DLGAP2: variants seen among roughly 807,000 people sequenced by gnomAD.
DLGAP2 encodes the protein DLG associated protein 2.
DLGAP2 carries 26 observed loss-of-function variants against 100.3 expected under a neutral mutation model. That is an observed-to-expected ratio of 0.26 (90% CI 0.19 to 0.36). DLGAP2 has a LOEUF of 0.36. Ranked by LOEUF, DLGAP2 falls within the 10% of genes least tolerant of loss-of-function variation. DLGAP2 has a pLI of 1.00. For missense variants in DLGAP2, 1,858 were observed against 1,453.2 expected (o/e 1.28, Z -4.53); for synonymous variants, 886 against 630.1 (o/e 1.41, Z -6.08).
chr8:813,263 AC>A (rs1032500036), intron 1 of DLGAP2, among the ~76,000 whole-genome samples: 2 of 151,854 alleles, frequency 1.3e-5, no homozygotes, highest in Non-Finnish European at 2.9e-5. Flanking sequence ...CCTTTTCAAA[AC>A]GAAAAAAAAA....
At chr8:1,635,212 A>G (rs1320370203) in intron 8 of DLGAP2, among the ~76,000 whole-genome samples, 2 of 152,218 alleles carry the variant, frequency 1.3e-5, no homozygotes, top group African/African-American at 4.8e-5. Context: ...ATGACATGCA[A>G]TATAGTCTAT....
chr8:1,573,002 T>A (rs111216022), intron 6 of DLGAP2, among the ~76,000 whole-genome samples: 10,488 of 75,460 alleles, frequency 0.14, 689 homozygotes, highest in East Asian at 0.4. Context: ...GGGCGTCTTC[T>A]GGGATGGAGA....
At chr8:881,108 T>G (rs1467215851) in intron 1 of DLGAP2, among the ~76,000 whole-genome samples, 1 of 152,250 alleles carries the variant, frequency 6.6e-6, no homozygotes, top group Non-Finnish European at 1.5e-5. Flanking sequence ...AAAAATGACT[T>G]AGAGCAATAC....
intron 2 of DLGAP2, among the ~76,000 whole-genome samples, chr8:1,255,009 G>A (rs1169261795): frequency 1.9e-5 from 2 of 103,654 alleles, no homozygotes; most frequent in Admixed American, 9.8e-5. Context: ...CATCCTGCTT[G>A]GGCGCTGTGT....
At chr8:1,124,274 G>T (rs1382348994) in intron 2 of DLGAP2, among the ~76,000 whole-genome samples, 2 of 152,232 alleles carry the variant, frequency 1.3e-5, no homozygotes, top group Non-Finnish European at 2.9e-5. Context: ...TCGCCAAAGA[G>T]AAGAGCCTGG....
At chr8:1,130,090 A>G (rs796381539) in intron 2 of DLGAP2, among the ~76,000 whole-genome samples, 5 of 1,846 alleles carry the variant, frequency 2.7e-3, no homozygotes, top group East Asian at 5.2e-3. Flanking sequence ...GGATCGTGTC[A>G]GACACTTCAC....
chr8:943,425 G>A (rs180835744), intron 2 of DLGAP2, among the ~76,000 whole-genome samples: 2 of 152,388 alleles, frequency 1.3e-5, no homozygotes, highest in Admixed American at 6.5e-5. Context: ...CGGCACCCGC[G>A]TGTCTGGTGG....
intron 2 of DLGAP2, among the ~76,000 whole-genome samples, chr8:1,198,717 C>T (rs977853601): frequency 6.6e-6 from 1 of 152,156 alleles, no homozygotes; most frequent in Admixed American, 6.5e-5. Flanking sequence ...TGAAGAGACA[C>T]GTGTGCCTGG....
intron 6 of DLGAP2, among the ~76,000 whole-genome samples, chr8:1,588,180 C>T (rs116837767): frequency 1.6e-4 from 25 of 152,302 alleles, no homozygotes; most frequent in African/African-American, 6.0e-4. Flanking sequence ...ACGGATAGTT[C>T]AGCTAAATAC....
intron 3 of DLGAP2, among the ~76,000 whole-genome samples, chr8:1,452,606 G>A (rs1304708784): frequency 3.3e-5 from 5 of 152,206 alleles, no homozygotes; most frequent in African/African-American, 7.2e-5. Flanking sequence ...ACACAGGGAA[G>A]AGGAGATGGA....
intron 3 of DLGAP2, among the ~76,000 whole-genome samples, chr8:1,444,915 G>T (rs533000165): frequency 3.3e-4 from 49 of 150,652 alleles, no homozygotes; most frequent in African/African-American, 1.2e-3. Context: ...TGGGATTATA[G>T]GCGTGTGCCC....
chr8:1,198,699 T>G (rs899089685), intron 2 of DLGAP2, among the ~76,000 whole-genome samples: 1 of 152,124 alleles, frequency 6.6e-6, no homozygotes, highest in African/African-American at 2.4e-5. Context: ...GGCAGGCCCC[T>G]CATGTCCTGA....
intron 4 of DLGAP2, among the ~76,000 whole-genome samples, chr8:1,545,097 T>G (rs771251992): frequency 1.6e-4 from 24 of 152,170 alleles, no homozygotes; most frequent in Non-Finnish European, 3.2e-4. Context: ...TTTCTTGTCT[T>G]TATCTGGCTT....
chr8:1,662,933 G>A (rs539685098), intron 8 of DLGAP2, among the ~76,000 whole-genome samples: 73 of 149,142 alleles, frequency 4.9e-4, no homozygotes, highest in African/African-American at 1.8e-3. Context: ...TACACGTAGT[G>A]TGGGGTGTGT....
At position 1,164,116 on chromosome 8, in the gene DLGAP2, G is replaced by GC. The variant is rs1554494586; in HGVS notation, c.74-94734dup. 1.7e-4 allele frequency among the ~76,000 whole-genome samples: 4 copies of GC among 23,966 alleles called. 2 individuals are homozygous for GC. The highest frequency in any genetic ancestry group is 3.6e-4 in the Non-Finnish European group (4 of 11,112). 15.7% of individuals were successfully genotyped at this position (23,966 alleles called of 152,430 possible). A position where few individuals can be genotyped will look rare whatever the true frequency, so the allele number is the denominator to read the frequency against. ...TGGGGACAGATTTTTCTGTGAGCCC[G>GC]CAGGGCCCGTCATTTTGGTTTGTGG... On this transcript the variant is annotated intron_variant, in intron 2 of 14. Transcript: ENST00000637795.
At chr8:1,304,629 A>G (rs939410000) in intron 3 of DLGAP2, among the ~76,000 whole-genome samples, 1 of 152,206 alleles carries the variant, frequency 6.6e-6, no homozygotes, top group African/African-American at 2.4e-5. Flanking sequence ...AATTAAATTT[A>G]TATGGCTACA....
chr8:772,260 A>T (rs550182090), intron 1 of DLGAP2, among the ~76,000 whole-genome samples: 1 of 152,136 alleles, frequency 6.6e-6, no homozygotes, highest in Non-Finnish European at 1.5e-5. Context: ...AGGCAAAATC[A>T]TGTTTAATAA....
At chr8:1,126,043 T>A (rs1796155837) in intron 2 of DLGAP2, among the ~76,000 whole-genome samples, 1 of 152,242 alleles carries the variant, frequency 6.6e-6, no homozygotes, top group East Asian at 1.9e-4. Context: ...GTGTATCCCC[T>A]GCCATGGTCT....
At chr8:925,595 G>T (rs1478228526) in intron 2 of DLGAP2, among the ~76,000 whole-genome samples, 2 of 152,180 alleles carry the variant, frequency 1.3e-5, no homozygotes, top group African/African-American at 4.8e-5. Flanking sequence ...GGCTTTGCAG[G>T]TGTATTAGGG....
Sources: allele counts gnomAD v4.1 joint callset (sites outside exome capture counted in the v4.1 genomes callset), GRCh38; gene constraint gnomAD v4.1.1; transcripts MANE v1.5; gene names NCBI Gene and HGNC (gene_info 2026-07-23, HGNC 2026-07-21).